Variants in CTNNA2 observed in about 807,000 individuals in gnomAD.
The protein encoded by CTNNA2 is catenin alpha-2.
A neutral mutation model predicts 101.0 loss-of-function variants in CTNNA2; 42 were observed. That is an observed-to-expected ratio of 0.42 (90% CI 0.32 to 0.54). The LOEUF (loss-of-function observed/expected upper bound fraction) is 0.54. CTNNA2 is among the 20% of genes least tolerant of loss of function. The pLI, the probability that CTNNA2 is intolerant of heterozygous loss-of-function variation, is 0.14. For missense variants in CTNNA2, 871 were observed against 1,223.1 expected (o/e 0.71, Z 4.29); for synonymous variants, 450 against 456.4 (o/e 0.99, Z 0.18).
chr2:80,622,720 C>T (rs544799637), intron 18 of CTNNA2, among the ~76,000 whole-genome samples: 2 of 151,904 alleles, frequency 1.3e-5, no homozygotes, highest in African/African-American at 4.8e-5. Context: ...TTTTGCCTCA[C>T]GTAGGGAAAA....
chr2:79,706,433 G>A (rs988067405), intron 2 of CTNNA2, among the ~76,000 whole-genome samples: 1 of 151,402 alleles, frequency 6.6e-6, no homozygotes. Flanking sequence ...GGTTACTTGA[G>A]GGTAAATGTG....
chr2:79,357,438 C>T (rs13034138), intron 3 of CTNNA2, among the ~76,000 whole-genome samples: 3 of 152,036 alleles, frequency 2.0e-5, no homozygotes, highest in Non-Finnish European at 4.4e-5. Flanking sequence ...GACCGAATCA[C>T]AGAAAGCAAA....
At chr2:79,708,742 CCTGT>C (rs1160660205) in intron 2 of CTNNA2, among the ~76,000 whole-genome samples, 1 of 151,918 alleles carries the variant, frequency 6.6e-6, no homozygotes, top group Non-Finnish European at 1.5e-5. Flanking sequence ...TTACCATATA[CCTGT>C]CTTTTTAATG....
intron 3 of CTNNA2, among the ~76,000 whole-genome samples, chr2:79,357,791 T>A (rs1472122628): frequency 5.3e-5 from 8 of 152,184 alleles, no homozygotes; most frequent in Non-Finnish European, 8.8e-5. Flanking sequence ...AATTGCTGAA[T>A]AAAGAAAGCC....
At chr2:79,931,503 G>C (rs1687439902) in intron 7 of CTNNA2, among the ~76,000 whole-genome samples, 1 of 152,070 alleles carries the variant, frequency 6.6e-6, no homozygotes, top group African/African-American at 2.4e-5. Flanking sequence ...GGTCCTCAAA[G>C]TGTGATGTGA....
intron 7 of CTNNA2, among the ~76,000 whole-genome samples, chr2:80,016,120 T>C (rs112993101): frequency 0.024 from 3,711 of 152,312 alleles, 157 homozygotes; most frequent in African/African-American, 0.084. Context: ...AAAAAGAACA[T>C]CTGAGCATTT....
intron 7 of CTNNA2, among the ~76,000 whole-genome samples, chr2:80,002,041 A>C (rs146543344): frequency 6.6e-6 from 1 of 152,318 alleles, no homozygotes; most frequent in African/African-American, 2.4e-5. Flanking sequence ...TAAAAGCTTT[A>C]AACAATGTGT....
intron 7 of CTNNA2, among the ~76,000 whole-genome samples, chr2:80,380,375 T>C (rs976421352): frequency 2.6e-5 from 4 of 152,114 alleles, no homozygotes; most frequent in African/African-American, 9.7e-5. Flanking sequence ...TCTTCTGAAT[T>C]TCTAAGCAGA....
Position 80,536,307 on chromosome 2 carries a change from A to G in CTNNA2, c.1291-8675A>G, listed in dbSNP as rs575512095. Among the ~76,000 whole-genome samples, 470 of 152,268 alleles carry G rather than the reference A, an allele frequency of 3.1e-3. 3 individuals are homozygous for G. The highest frequency in any genetic ancestry group is 0.017 in the Middle Eastern group (5 of 294). On this transcript the variant is annotated intron_variant, in intron 9 of 18. Transcript: ENST00000402739. Reference sequence around the variant, plus strand: ...GTGCCACCATCCTCTCTGTGGTTTTATATGGCCACATGACTGACTATAAAT... The same window carrying G: ...GTGCCACCATCCTCTCTGTGGTTTTGTATGGCCACATGACTGACTATAAAT...
intron 1 of CTNNA2, among the ~76,000 whole-genome samples, chr2:79,626,348 C>T: frequency 6.6e-6 from 1 of 152,140 alleles, no homozygotes; most frequent in African/African-American, 2.4e-5. Flanking sequence ...ACCCTAATTA[C>T]AGGTTAGCCA....
chr2:80,239,907 C>T (rs1436865320), intron 7 of CTNNA2, among the ~76,000 whole-genome samples: 1 of 140,562 alleles, frequency 7.1e-6, no homozygotes, highest in Non-Finnish European at 1.5e-5. Flanking sequence ...AGCAAGACTC[C>T]ATCTCAAAAA....
At chr2:79,389,519 T>C (rs1678143522) in intron 4 of CTNNA2, among the ~76,000 whole-genome samples, 1 of 152,196 alleles carries the variant, frequency 6.6e-6, no homozygotes, top group Non-Finnish European at 1.5e-5. Context: ...GCCGAATCAG[T>C]ATATGTTTTG....
At chr2:80,120,800 T>C (rs1055409584) in intron 7 of CTNNA2, among the ~76,000 whole-genome samples, 3 of 152,134 alleles carry the variant, frequency 2.0e-5, no homozygotes, top group African/African-American at 7.2e-5. Context: ...ATCTATTTAA[T>C]CTGATTGCAG....
chr2:80,143,175 T>C (rs1703116465), intron 7 of CTNNA2, among the ~76,000 whole-genome samples: 1 of 152,204 alleles, frequency 6.6e-6, no homozygotes, highest in Non-Finnish European at 1.5e-5. Context: ...CACTTTGACT[T>C]ACGGCCCAAG....
chr2:80,031,983 G>A (rs1695321338), intron 7 of CTNNA2, among the ~76,000 whole-genome samples: 1 of 152,172 alleles, frequency 6.6e-6, no homozygotes, highest in Non-Finnish European at 1.5e-5. Flanking sequence ...AATCTGTTTT[G>A]AAGGTGACTG....
intron 2 of CTNNA2, among the ~76,000 whole-genome samples, chr2:79,300,752 T>G (rs1676089220): frequency 6.6e-6 from 1 of 152,216 alleles, no homozygotes; most frequent in African/African-American, 2.4e-5. Context: ...ACTCTTCTAT[T>G]TGGTCTTTCT....
chr2:79,896,564 C>G (rs1184282212), intron 6 of CTNNA2, among the ~76,000 whole-genome samples: 1 of 152,190 alleles, frequency 6.6e-6, no homozygotes, highest in Non-Finnish European at 1.5e-5. Context: ...TTATCAAATA[C>G]TTATGTATGA....
chr2:80,042,735 G>T lies in CTNNA2; in HGVS notation c.1056+132938G>T, dbSNP rs192774003. 3.9e-5 allele frequency among the ~76,000 whole-genome samples: 6 copies of T among 152,278 alleles called. No homozygotes were observed. In the East Asian group the frequency reaches 1.2e-3, roughly 29 times the overall value. On this transcript the variant is annotated intron_variant, in intron 7 of 18. Coordinates refer to ENST00000402739, the MANE Select transcript of CTNNA2 (RefSeq NM_001282597.3). ...AGAGCAAAGGAAACTCATTTGGAGG[G>T]GTTAGAGGGATTTGTGATATGCTAT...
At chr2:80,057,086 G>A (rs910245781) in intron 7 of CTNNA2, among the ~76,000 whole-genome samples, 1 of 151,844 alleles carries the variant, frequency 6.6e-6, no homozygotes, top group Non-Finnish European at 1.5e-5. Context: ...TATGTGTAAG[G>A]CCTCATTCTG....
Sources: allele counts gnomAD v4.1 joint callset (sites outside exome capture counted in the v4.1 genomes callset), GRCh38; gene constraint gnomAD v4.1.1; transcripts MANE v1.5; gene names NCBI Gene and HGNC (gene_info 2026-07-23, HGNC 2026-07-21).